Variants in TRHDE observed in about 807,000 individuals in gnomAD.
TRHDE encodes the protein thyrotropin releasing hormone degrading enzyme, also known as thyrotropin-releasing hormone-degrading ectoenzyme.
Under a neutral mutation model 125.7 loss-of-function variants are expected in TRHDE, and 72 were observed. The ratio of observed to expected loss-of-function variants is 0.57; its 90% confidence interval spans 0.47 to 0.70. The LOEUF is 0.70. Among genes scored for constraint, TRHDE ranks in the 30% least tolerant of loss-of-function variants. The pLI is 0.00. For missense variants in TRHDE, 1,110 were observed against 1,327.1 expected, an observed-to-expected ratio of 0.84 and a Z score of 2.54; for synonymous variants, 509 against 509.1, an observed-to-expected ratio of 1.00 and a Z score of 0.00.
At chr12:72,389,294 G>C (rs897730074) in intron 3 of TRHDE, among the ~76,000 whole-genome samples, 1 of 152,124 alleles carries the variant, frequency 6.6e-6, no homozygotes, top group African/African-American at 2.4e-5. Context: ...ATACCAAGGA[G>C]ATCAGTGTCC....
chr12:72,120,840 G>A (rs557071157), intron 2 of TRHDE, among the ~76,000 whole-genome samples: 95 of 151,516 alleles, frequency 6.3e-4, no homozygotes, highest in African/African-American at 1.9e-3. Flanking sequence ...CACCACGCCC[G>A]GCTAATTTTT....
chr12:72,343,142 T>C (rs2135732173), intron 2 of TRHDE, among the ~76,000 whole-genome samples: 1 of 152,226 alleles, frequency 6.6e-6, no homozygotes, highest in Non-Finnish European at 1.5e-5. Context: ...CATATATTGA[T>C]GATGTCGACT....
At chr12:72,491,473 A>C (rs536202808) in intron 5 of TRHDE, among the ~76,000 whole-genome samples, 1 of 152,012 alleles carries the variant, frequency 6.6e-6, no homozygotes, top group Non-Finnish European at 1.5e-5. Context: ...GAATAATAAT[A>C]ATTTGGTTGT....
rs578187992 is a variant in TRHDE at position 72,366,833 on chromosome 12, A to G, written c.1189-11162A>G. 9.2e-5 allele frequency among the ~76,000 whole-genome samples: 14 copies of G among 152,070 alleles called. No individual in the cohort carries two copies. The South Asian group carries it at 2.9e-3, about 32-fold the overall frequency. On this transcript the variant is annotated intron_variant, in intron 2 of 18. Coordinates refer to ENST00000261180, the MANE Select transcript of TRHDE (RefSeq NM_013381.3). ...CCATTAGAGCAACTTTATCAATGAT[A>G]ATACTTGGATTTGCCTTATAACAGT...
chr12:72,125,219 C>T (rs754789320), intron 2 of TRHDE, among the ~76,000 whole-genome samples: 12 of 152,126 alleles, frequency 7.9e-5, no homozygotes, highest in Middle Eastern at 3.4e-3. Flanking sequence ...TTTCTATTCT[C>T]TGGAATCGTT....
chr12:72,415,963 C>T (rs1260202613), intron 3 of TRHDE, among the ~76,000 whole-genome samples: 1 of 152,034 alleles, frequency 6.6e-6, no homozygotes, highest in East Asian at 1.9e-4. Context: ...CTCCATACTG[C>T]TCTCCATAGT....
chr12:72,452,967 T>C (rs1018416598), intron 3 of TRHDE, among the ~76,000 whole-genome samples: 2 of 152,174 alleles, frequency 1.3e-5, no homozygotes, highest in African/African-American at 4.8e-5. Flanking sequence ...ATCTTGAATA[T>C]TTCTTTATAG....
At chr12:72,397,323 T>G (rs1592415766) in intron 3 of TRHDE, among the ~76,000 whole-genome samples, 1 of 152,208 alleles carries the variant, frequency 6.6e-6, no homozygotes, top group Non-Finnish European at 1.5e-5. Context: ...CATCACCTTT[T>G]TCCTCCTGGA....
intron 2 of TRHDE, among the ~76,000 whole-genome samples, chr12:72,182,393 A>G (rs181015408): frequency 1.2e-3 from 187 of 152,332 alleles, no homozygotes; most frequent in Middle Eastern, 3.4e-3. Context: ...TGAATGAATC[A>G]AGTAATTATG....
chr12:72,569,887 T>C (rs1799969175), intron 10 of TRHDE, among the ~76,000 whole-genome samples: 1 of 152,224 alleles, frequency 6.6e-6, no homozygotes, highest in Admixed American at 6.5e-5. Context: ...GAATTCACAC[T>C]TCCTGTATTA....
In TRHDE at chr12:72,273,437, T is replaced by C; in HGVS notation, c.794T>C (p.Val265Ala). The change falls in exon 1 of 19, where the codon GTG (valine) becomes GCG (alanine). Residue 265 changes from valine to alanine, a missense_variant. Val to Ala is a moderately conservative substitution (Grantham distance 64, BLOSUM62 0). Coordinates refer to ENST00000261180, the MANE Select transcript of TRHDE (RefSeq NM_013381.3). This position sits in a 1 kb window ranked among gnomAD's most constrained non-coding sequence, Gnocchi z 5.3. The part of the protein sequence containing the change: ...LYPQTQVLVV[V>A]LNRTLDAQRN... The stretch of plus-strand genomic sequence containing the variant: ...CCGCAAACCCAGGTCTTAGTGGTGG[T>C]GCTGAATAGGACACTGGACGCGCAG... 6.2e-7 allele frequency: 1 copy of C among 1,614,078 alleles called. No homozygotes were observed. Among genetic ancestry groups the C allele is most frequent in the Non-Finnish European group, 8.5e-7 (1 of 1,180,032 alleles).
intron 2 of TRHDE, among the ~76,000 whole-genome samples, chr12:72,360,702 G>A (rs1431600560): frequency 6.6e-6 from 1 of 151,728 alleles, no homozygotes; most frequent in Non-Finnish European, 1.5e-5. Context: ...AAAATGAATT[G>A]AAAATATATT....
chr12:72,656,673 A>G (rs1874719804), intron 17 of TRHDE, among the ~76,000 whole-genome samples: 1 of 152,046 alleles, frequency 6.6e-6, no homozygotes, highest in Non-Finnish European at 1.5e-5. Flanking sequence ...GGGCCCCTTT[A>G]AAAAATTTGC....
chr12:72,291,825 G>A (rs1420488253), intron 2 of TRHDE, among the ~76,000 whole-genome samples: 2 of 152,102 alleles, frequency 1.3e-5, no homozygotes, highest in East Asian at 1.9e-4. Flanking sequence ...GGTATCCATG[G>A]GAGGTCCTGG....
chr12:72,518,639 A>G lies in TRHDE; in HGVS notation c.1722+19004A>G, dbSNP rs1258486069. On this transcript the variant is annotated intron_variant, in intron 6 of 18. Coordinates refer to ENST00000261180, the MANE Select transcript of TRHDE (RefSeq NM_013381.3). The stretch of plus-strand genomic sequence containing the variant: ...GTCTTTTAATTGGAGCATTTAGTCC[A>G]TTTACATTTAAAGTTAATATTGTTA... 5.0e-4 allele frequency among the ~76,000 whole-genome samples: 76 copies of G among 151,910 alleles called. 3 individuals are homozygous for G. Among genetic ancestry groups the G allele is most frequent in the Admixed American group, 4.6e-4 (7 of 15,264 alleles).
intron 2 of TRHDE, among the ~76,000 whole-genome samples, chr12:72,290,969 C>T (rs1012763840): frequency 1.5e-4 from 23 of 152,204 alleles, no homozygotes; most frequent in African/African-American, 4.6e-4. Context: ...CAGCTCTTGA[C>T]AGGAGGAGTG....
chr12:72,269,658 C>T (rs114604822), upstream of TRHDE, among the ~76,000 whole-genome samples: 1 of 152,052 alleles, frequency 6.6e-6, no homozygotes, highest in African/African-American at 2.4e-5. Flanking sequence ...AAACACACAG[C>T]AAGACAGAAG....
chr12:72,427,598 C>T (rs1874245535), intron 3 of TRHDE, among the ~76,000 whole-genome samples: 1 of 152,102 alleles, frequency 6.6e-6, no homozygotes, highest in African/African-American at 2.4e-5. Context: ...ATTTTACACT[C>T]TTTCTCGTAT....
intron 3 of TRHDE, among the ~76,000 whole-genome samples, chr12:72,419,469 C>T (rs1366908851): frequency 1.3e-5 from 2 of 152,066 alleles, no homozygotes; most frequent in African/African-American, 4.8e-5. Flanking sequence ...AGCTTTTAAT[C>T]ATAGTGGAAG....
Sources: allele counts gnomAD v4.1 joint callset (sites outside exome capture counted in the v4.1 genomes callset), GRCh38; gene constraint gnomAD v4.1.1; non-coding constraint Gnocchi (gnomAD v3.1); transcripts MANE v1.5; gene names NCBI Gene and HGNC (gene_info 2026-07-23, HGNC 2026-07-21).